Variants in FBXO25 observed in about 807,000 individuals in gnomAD.
FBXO25 encodes F-box protein 25.
A neutral mutation model predicts 51.9 loss-of-function variants in FBXO25; 45 were observed. That is an observed-to-expected ratio of 0.87 (90% CI 0.68 to 1.11). The LOEUF (loss-of-function observed/expected upper bound fraction) is 1.11, where lower values mean the gene tolerates loss of function less well. Ranked by LOEUF, FBXO25 falls within the 50% of genes most tolerant of loss-of-function variation. The probability of loss-of-function intolerance (pLI) is 0.00; values close to 1 mark genes in which losing one functional copy is unlikely to be tolerated. For synonymous variants in FBXO25, 199 were observed against 151.0 expected (o/e 1.32, Z -2.33); for missense variants, 507 against 428.5 (o/e 1.18, Z -1.62).
intron 5 of FBXO25, 86 bp downstream of exon 5, chr8:435,793 C>T (rs1206382232): frequency 1.4e-5 from 21 of 1,523,598 alleles, no homozygotes; most frequent in Non-Finnish European, 1.8e-5. Context: ...GTTGAAGATG[C>T]TTTTGGCAGC....
intron 2 of FBXO25, among the ~76,000 whole-genome samples, chr8:419,753 T>G (rs955275861): frequency 2.0e-5 from 3 of 152,098 alleles, no homozygotes; most frequent in African/African-American, 7.2e-5. Flanking sequence ...TGGGCAGAGT[T>G]TTTAGATACG....
intron 8 of FBXO25, among the ~76,000 whole-genome samples, chr8:459,669 G>A (rs1799681701): frequency 6.6e-6 from 1 of 152,218 alleles, no homozygotes; most frequent in South Asian, 2.1e-4. Context: ...CCACAGGAAG[G>A]GGCTGGCCTG....
At chr8:430,412 A>C (rs1197301282) in intron 2 of FBXO25, among the ~76,000 whole-genome samples, 2 of 151,998 alleles carry the variant, frequency 1.3e-5, no homozygotes, top group East Asian at 3.9e-4. Context: ...CTGTTCTGAC[A>C]GTGAGAAAGT....
intron 9 of FBXO25, among the ~76,000 whole-genome samples, chr8:466,147 G>A (rs963902438): frequency 1.4e-4 from 22 of 152,174 alleles, no homozygotes; most frequent in African/African-American, 4.8e-4. Context: ...CCATGCATTG[G>A]AAGTATTCAA....
chr8:407,508 C>G, intron 1 of FBXO25: 1 of 921,990 alleles, frequency 1.1e-6, no homozygotes, highest in Non-Finnish European at 1.3e-6. Context: ...AGGTGCACCG[C>G]GCGTCCTCAG....
At chr8:418,548 C>A (rs12547316) in intron 2 of FBXO25, among the ~76,000 whole-genome samples, 1 of 151,842 alleles carries the variant, frequency 6.6e-6, no homozygotes, top group African/African-American at 2.4e-5. Flanking sequence ...CCATATTGAC[C>A]AGAATGGTCT....
intron 9 of FBXO25, among the ~76,000 whole-genome samples, chr8:463,765 C>G (rs1799967818): frequency 6.6e-6 from 1 of 152,142 alleles, no homozygotes. Context: ...GACTGTGTGT[C>G]TAAATAGAAT....
intron 8 of FBXO25, among the ~76,000 whole-genome samples, chr8:462,145 TCC>T (rs754544708): frequency 2.0e-5 from 3 of 152,190 alleles, no homozygotes; most frequent in Non-Finnish European, 4.4e-5. Flanking sequence ...TCTCCACCCC[TCC>T]CCAGTGCTTC....
At chr8:435,879 G>A (rs1195548330) in intron 5 of FBXO25, among the ~76,000 whole-genome samples, 172 bp downstream of exon 5, 3 of 152,230 alleles carry the variant, frequency 2.0e-5, no homozygotes, top group Admixed American at 2.0e-4. Context: ...AGTGAGGTTG[G>A]AGGATTTCTC....
Position 451,427 on chromosome 8 carries a change from C to A in FBXO25, c.634C>A (p.Gln212Lys). The A allele has an allele frequency of 6.2e-7, 1 of 1,613,880 alleles. No individual in the cohort carries two copies. ...RLETILAWQQ[Q>K]LQDLQMTKQV... ...AGAAACTATTCTCGCCTGGCAACAA[C>A]AGCTACAGGATCTTCAGATGACTAA... Residue 212 changes from glutamine to lysine, a missense_variant, in exon 7 of 10, where the codon CAG (glutamine) becomes AAG (lysine). Physicochemically the swap from Gln to Lys is moderately conservative, Grantham distance 53 (BLOSUM62 1). Transcript: ENST00000350302.
intron 9 of FBXO25, chr8:468,256 C>G (rs548941392): frequency 4.7e-4 from 479 of 1,014,234 alleles, no homozygotes; most frequent in Non-Finnish European, 5.4e-4. Flanking sequence ...CTCTCCTGTC[C>G]TATGCAGGGA....
intron 7 of FBXO25, among the ~76,000 whole-genome samples, chr8:456,889 A>C (rs1799474598): frequency 6.6e-6 from 1 of 152,170 alleles, no homozygotes; most frequent in African/African-American, 2.4e-5. Flanking sequence ...CAGGAGAAGA[A>C]AGTGGGGTGT....
rs558311729 is a variant in FBXO25, at chr8:419,284, A to C, written c.134+6071A>C. On this transcript the variant is annotated intron_variant, in intron 2 of 9. Transcript: ENST00000350302. ...CTCAGGAAGCTGAGTCATGAGAATC[A>C]CTTGAACCTGGGAGGTGAAGGTTGT... 2.0e-5 allele frequency among the ~76,000 whole-genome samples: 3 copies of C among 152,244 alleles called. No homozygotes were observed. In the South Asian group the frequency reaches 6.2e-4, roughly 32 times the overall value.
intron 7 of FBXO25, among the ~76,000 whole-genome samples, chr8:456,440 C>T (rs186561970): frequency 6.6e-6 from 1 of 152,276 alleles, no homozygotes; most frequent in East Asian, 1.9e-4. Flanking sequence ...TGGGCTAAGA[C>T]TTGAATCAAA....
At chr8:446,039 G>A (rs1376896022) in intron 5 of FBXO25, among the ~76,000 whole-genome samples, 2 of 152,088 alleles carry the variant, frequency 1.3e-5, no homozygotes, top group African/African-American at 2.4e-5. Context: ...CCCTCCTGGT[G>A]TCTGGTGGGA....
At chr8:455,056 T>G (rs368808952) in intron 7 of FBXO25, among the ~76,000 whole-genome samples, 24 of 152,246 alleles carry the variant, frequency 1.6e-4, no homozygotes, top group African/African-American at 5.5e-4. Flanking sequence ...AAAAGTAAAC[T>G]GGCTAACGAA....
chr8:436,728 T>C (rs1167177572), intron 5 of FBXO25, among the ~76,000 whole-genome samples: 1 of 152,234 alleles, frequency 6.6e-6, no homozygotes, highest in Non-Finnish European at 1.5e-5. Context: ...AGTACTTAAG[T>C]AGCCGGGAAA....
At chr8:456,784 G>A (rs757767796) in intron 7 of FBXO25, among the ~76,000 whole-genome samples, 1 of 152,194 alleles carries the variant, frequency 6.6e-6, no homozygotes, top group Non-Finnish European at 1.5e-5. Context: ...GTCCATGCTC[G>A]TGCTGCCCAC....
chr8:415,571 A>C (rs1211252635), intron 2 of FBXO25, among the ~76,000 whole-genome samples: 3 of 152,224 alleles, frequency 2.0e-5, no homozygotes, highest in African/African-American at 7.2e-5. Flanking sequence ...TTCAGTAGAC[A>C]GGTGAGAAAT....
Sources: allele counts gnomAD v4.1 joint callset (sites outside exome capture counted in the v4.1 genomes callset), GRCh38; gene constraint gnomAD v4.1.1; transcripts MANE v1.5; gene names NCBI Gene and HGNC (gene_info 2026-07-23, HGNC 2026-07-21).